The following EEF2KMT variants were observed in gnomAD, a reference collection of about 807,000 sequenced individuals.
EEF2KMT encodes the protein eukaryotic elongation factor 2 lysine methyltransferase.
In EEF2KMT, 30 loss-of-function variants were observed where a neutral mutation model predicts 35.1. The observed-to-expected ratio is 0.85, with a 90% CI of 0.64 to 1.16. The LOEUF is 1.16. Ranked by LOEUF, EEF2KMT falls within the 50% of genes most tolerant of loss-of-function variation. EEF2KMT has a pLI of 0.00. For synonymous variants in EEF2KMT, 190 were observed against 187.7 expected, an observed-to-expected ratio of 1.01 and a Z score of -0.10; for missense variants, 499 against 438.2, an observed-to-expected ratio of 1.14 and a Z score of -1.24.
chr16:5,089,119 T>C lies in EEF2KMT; in HGVS notation c.880A>G (p.Thr294Ala). Reference protein sequence around the residue: ...VRNPETCQLFTTELGRAGIRW... With the variant: ...VRNPETCQLFATELGRAGIRW... ...CGTGGAGGCTCACCTAGCTCGGTGG[T>C]GAACAGCTGGCACGTCTCTGGGTTG... Residue 294 changes from threonine to alanine, a missense_variant, in exon 7 of 8, where the codon ACC becomes GCC. By Grantham distance (58) the Thr-to-Ala change is moderately conservative. Coordinates refer to ENST00000427587, the MANE Select transcript of EEF2KMT (RefSeq NM_201400.4). 2 of 1,612,794 alleles carry C rather than the reference T, an allele frequency of 1.2e-6. No individual in the cohort carries two copies. The highest frequency in any genetic ancestry group is 1.7e-6 in the Non-Finnish European group (2 of 1,179,844).
intron 1 of EEF2KMT, among the ~76,000 whole-genome samples, chr16:5,096,789 C>G (rs1038999392): frequency 6.6e-6 from 1 of 152,180 alleles, no homozygotes; most frequent in Non-Finnish European, 1.5e-5. Context: ...TAGCATTCAG[C>G]GTGGGCATGT....
At chr16:5,088,981 T>TC (rs915019135) in intron 7 of EEF2KMT, 126 bp downstream of exon 7, 4 of 1,587,280 alleles carry the variant, frequency 2.5e-6, no homozygotes, top group East Asian at 2.2e-5. Flanking sequence ...CTGCCTGAGT[T>TC]CCCCCCATGG....
chr16:5,093,154 G>C (rs970047960), intron 3 of EEF2KMT, among the ~76,000 whole-genome samples: 1 of 152,200 alleles, frequency 6.6e-6, no homozygotes, highest in African/African-American at 2.4e-5. Flanking sequence ...ACCCTTCAGC[G>C]GGCAGGACAG....
At chr16:5,093,413 G>A in intron 3 of EEF2KMT, 71 bp downstream of exon 3, 6 of 1,608,186 alleles carry the variant, frequency 3.7e-6, no homozygotes, top group Non-Finnish European at 5.1e-6. Context: ...CAGGGCCTGG[G>A]AAGGACGGGG....
At chr16:5,094,746 G>A (rs2142781450) in intron 2 of EEF2KMT, among the ~76,000 whole-genome samples, 1 of 115,044 alleles carries the variant, frequency 8.7e-6, no homozygotes, top group Non-Finnish European at 1.6e-5. Flanking sequence ...GATAATCTTG[G>A]TTCACCTCTA....
chr16:5,091,010 G>A (rs1383213337), intron 4 of EEF2KMT, among the ~76,000 whole-genome samples: 4 of 152,170 alleles, frequency 2.6e-5, no homozygotes, highest in African/African-American at 9.7e-5. Context: ...TGCCTCCTGG[G>A]TTCAAGCAAT....
chr16:5,091,907 C>T lies in EEF2KMT; in HGVS notation c.241-12G>A, dbSNP rs1213718191. The T allele has an allele frequency of 1.2e-6, 2 of 1,611,530 alleles. No homozygotes were observed. Among genetic ancestry groups the T allele is most frequent in the African/African-American group, 1.3e-5 (1 of 74,812 alleles). On this transcript the variant is annotated splice_polypyrimidine_tract_variant and intron_variant, in intron 3 of 7. Coordinates refer to ENST00000427587, the MANE Select transcript of EEF2KMT (RefSeq NM_201400.4). ...TGGACAGCCTCGTGCTGGGGGCAGA[C>T]AGAGTGAGAGCTTGTTTGCTTTCGT...
intron 2 of EEF2KMT, 165 bp downstream of exon 2, chr16:5,095,287 G>A: frequency 1.1e-6 from 1 of 948,456 alleles, no homozygotes; most frequent in East Asian, 2.6e-5. Flanking sequence ...AAGCGCTGGA[G>A]CTGTCAGAGG....
Position 5,084,620 on chromosome 16 carries a change from G to GT in EEF2KMT, c.*1011dup. 7.0e-7 allele frequency: 1 copy of GT among 1,436,030 alleles called. No homozygotes were observed. Among genetic ancestry groups the GT allele is most frequent in the Non-Finnish European group, 9.5e-7 (1 of 1,048,358 alleles). The allele number at this position is 1,436,030 out of a possible 1,614,324, so 89.0% of individuals were successfully genotyped here. A position where few individuals can be genotyped will look rare whatever the true frequency, so the allele number is the denominator to read the frequency against. On this transcript the variant is annotated 3_prime_UTR_variant, in exon 8 of 8. Transcript: ENST00000427587. Reference sequence around the variant, plus strand: ...GCTGCTGGGGTGTGAAGGGTCTCGAGTCCAAGTGAGGGAGTTAGGGACTTG... The same window carrying GT: ...GCTGCTGGGGTGTGAAGGGTCTCGAGTTCCAAGTGAGGGAGTTAGGGACTTG...
chr16:5,089,541 G>A (rs1957295762), intron 6 of EEF2KMT: 2 of 524,828 alleles, frequency 3.8e-6, no homozygotes, highest in East Asian at 7.0e-5. Context: ...GGCTTTGAAT[G>A]ACACAAAGCC....
chr16:5,090,295 C>T lies in EEF2KMT; in HGVS notation c.531G>A (p.Lys177=). ...GAGLTGLAIC[K]MCRPRAYIFS... ...AGATGTATGCCCGGGGGCGGCACAT[C>T]TTGCAGATGGCCAGGCCTGTGAGGC... Residue 177 remains lysine (K), a synonymous_variant, in exon 6 of 8, where the codon AAG becomes AAA. Transcript: ENST00000427587. This position sits in a 1 kb window ranked among gnomAD's most constrained non-coding sequence, Gnocchi z 4.1. The T allele has an allele frequency of 6.2e-7, 1 of 1,612,058 alleles. No homozygotes were observed. Among genetic ancestry groups the T allele is most frequent in the Non-Finnish European group, 8.5e-7 (1 of 1,179,862 alleles).
chr16:5,090,237 G>C lies in EEF2KMT; in HGVS notation c.589C>G (p.Leu197Val), dbSNP rs1217596414. 1 of 1,612,048 alleles carries C rather than the reference G, an allele frequency of 6.2e-7. No homozygotes were observed. The highest frequency in any genetic ancestry group is 2.2e-5 in the East Asian group (1 of 44,890). The change falls in exon 6 of 8, where the codon CTC becomes GTC. Residue 197 changes from leucine (L) to valine (V), a missense_variant. Transcript: ENST00000427587. This position sits in a 1 kb window ranked among gnomAD's most constrained non-coding sequence, Gnocchi z 4.1. Reference sequence around the variant, plus strand: ...CCATTGAGAAGGACATTCCCTCGGAGCTGCTCAAGGACCCGGCTGTGACAG... The same window carrying C: ...CCATTGAGAAGGACATTCCCTCGGACCTGCTCAAGGACCCGGCTGTGACAG... ...SDCHSRVLEQLRGNVLLNGLS... is the reference protein window; with the variant it reads ...SDCHSRVLEQVRGNVLLNGLS...
At chr16:5,095,698 C>T (rs1957445318) in intron 1 of EEF2KMT, among the ~76,000 whole-genome samples, 184 bp from the exon 2 acceptor site, 1 of 152,122 alleles carries the variant, frequency 6.6e-6, no homozygotes, top group Admixed American at 6.6e-5. Context: ...GGATGAGTCA[C>T]AGGAAGAAGG....
Position 5,090,184 on chromosome 16 carries a change from G to C in EEF2KMT, c.642C>G (p.Ala214=), listed in dbSNP as rs773501067. 6.2e-7 allele frequency: 1 copy of C among 1,611,796 alleles called. No homozygotes were observed. Among genetic ancestry groups the C allele is most frequent in the East Asian group, 2.2e-5 (1 of 44,884 alleles). ...NGLSLEADIT[A]KLDSPRVTVA... is the part of the protein sequence containing the mutation. ...CTGTCACCCTGGGGCTGTCTAACTT[G>C]GCAGTGATGTCTGCCTCTAATGAGA... Residue 214 remains alanine, a synonymous_variant, in exon 6 of 8, where the codon GCC becomes GCG. Transcript: ENST00000427587. This position sits in a 1 kb window ranked among gnomAD's most constrained non-coding sequence, Gnocchi z 4.1.
In EEF2KMT at chr16:5,085,164, T is replaced by C; in HGVS notation, c.*468A>G. 1.7e-6 allele frequency: 1 copy of C among 599,460 alleles called. No individual in the cohort carries two copies. The highest frequency in any genetic ancestry group is 2.9e-6 in the Non-Finnish European group (1 of 343,104). 37.1% of individuals were successfully genotyped at this position (599,460 alleles called of 1,614,324 possible). A position where few individuals can be genotyped will look rare whatever the true frequency, so the allele number is the denominator to read the frequency against. On this transcript the variant is annotated 3_prime_UTR_variant, in exon 8 of 8. Coordinates refer to ENST00000427587, the MANE Select transcript of EEF2KMT (RefSeq NM_201400.4). ...TGTTCTGTGACTTCCCTGTGACCTC[T>C]GCAGAACTCCTCATCCTGCGTTTGG... is the stretch of plus-strand genomic sequence containing the variant.
intron 4 of EEF2KMT, among the ~76,000 whole-genome samples, chr16:5,091,509 C>T (rs1263966477): frequency 6.6e-6 from 1 of 152,246 alleles, no homozygotes; most frequent in Non-Finnish European, 1.5e-5. Context: ...GCCACCACGC[C>T]CAGCCCTGTC....
In EEF2KMT at chr16:5,084,345, C is replaced by A. The variant is rs976635899; in HGVS notation, c.*1287G>T. ...TTTATTTACAAACACAGGCTGTGGG[C>A]TGGATTTGGCCTGCAGGCTGTAGTT... On this transcript the variant is annotated 3_prime_UTR_variant, in exon 8 of 8. Coordinates refer to ENST00000427587, the MANE Select transcript of EEF2KMT (RefSeq NM_201400.4). 1 of 379,552 alleles carries A rather than the reference C, an allele frequency of 2.6e-6. No homozygotes were observed. Among genetic ancestry groups the A allele is most frequent in the Admixed American group, 3.9e-5 (1 of 25,472 alleles). 23.5% of individuals were successfully genotyped at this position (379,552 alleles called of 1,614,324 possible).
At position 5,085,036 on chromosome 16, in the gene EEF2KMT, G is replaced by A; in HGVS notation, c.*596C>T. Reference sequence around the variant, plus strand: ...TGCCTGGTAAAAGAATTGGTTCTGTGACCCGGGAAGCTTTGGTTGGCCTTG... The same window carrying A: ...TGCCTGGTAAAAGAATTGGTTCTGTAACCCGGGAAGCTTTGGTTGGCCTTG... On this transcript the variant is annotated 3_prime_UTR_variant, in exon 8 of 8. Coordinates refer to ENST00000427587, the MANE Select transcript of EEF2KMT (RefSeq NM_201400.4). The A allele has an allele frequency of 2.9e-6, 4 of 1,398,560 alleles. No individual in the cohort carries two copies. The Admixed American group carries it at 7.9e-5, about 28-fold the overall frequency. The allele number at this position is 1,398,560 out of a possible 1,614,324, so 86.6% of individuals were successfully genotyped here. A position where few individuals can be genotyped will look rare whatever the true frequency, so the allele number is the denominator to read the frequency against.
At chr16:5,089,584 CT>C (rs1462247527) in intron 6 of EEF2KMT, among the ~76,000 whole-genome samples, 2 of 152,214 alleles carry the variant, frequency 1.3e-5, no homozygotes, top group Non-Finnish European at 2.9e-5. Context: ...TTTCAGGCAT[CT>C]GCTGATTTGT....
Sources: gnomAD v4.1 joint callset for allele counts (sites outside exome capture counted in the v4.1 genomes callset) on GRCh38, gnomAD v4.1.1 for gene constraint, Gnocchi (gnomAD v3.1) non-coding constraint, MANE v1.5 for transcripts, NCBI Gene and HGNC (gene_info 2026-07-23, HGNC 2026-07-21) for gene names.